The following MTSS1 variants were observed in gnomAD, a reference collection of about 807,000 sequenced individuals.
MTSS1 encodes the protein MTSS I-BAR domain containing 1, also known as protein MTSS 1.
Under a neutral mutation model 79.0 loss-of-function variants are expected in MTSS1, and 18 were observed. The ratio of observed to expected loss-of-function variants is 0.23; its 90% CI spans 0.16 to 0.34. MTSS1 has a LOEUF of 0.34. Ranked by LOEUF, MTSS1 falls within the 10% of genes least tolerant of loss-of-function variation. The pLI is 1.00. For missense variants in MTSS1, 815 were observed against 986.2 expected (o/e 0.83, Z 2.33); for synonymous variants, 341 against 368.6 (o/e 0.93, Z 0.86).
At chr8:124,676,171 T>TAATAAAATCAAA (rs1825254635) in intron 3 of MTSS1, among the ~76,000 whole-genome samples, 1 of 152,208 alleles carries the variant, frequency 6.6e-6, no homozygotes, top group African/African-American at 2.4e-5. Context: ...AAGGTATTGA[T>TAATAAAATCAAA]TAATAATTTG....
At chr8:124,723,414 T>C (rs1833232295) in intron 1 of MTSS1, among the ~76,000 whole-genome samples, 1 of 152,140 alleles carries the variant, frequency 6.6e-6, no homozygotes, top group African/African-American at 2.4e-5. Context: ...ATTTGGAGCA[T>C]TACAAACTGC....
In MTSS1 at chr8:124,597,443, G is replaced by C. The variant is rs1418572001; in HGVS notation, c.209-6208C>G. Among the ~76,000 whole-genome samples, 1 of 152,194 alleles carries C rather than the reference G, an allele frequency of 6.6e-6. No individual in the cohort carries two copies. The highest frequency in any genetic ancestry group is 2.4e-5 in the African/African-American group (1 of 41,460). On this transcript the variant is annotated intron_variant, in intron 3 of 13. Transcript: ENST00000518547. This position sits in a 1 kb window ranked among gnomAD's most constrained non-coding sequence, Gnocchi z 4.6. ...AAATTGTTTAATGCATATTTGGGGG[G>C]GTAGGGAGGAAATAAGAAAAGCAAA...
chr8:124,554,966 C>G (rs555309008), intron 13 of MTSS1, among the ~76,000 whole-genome samples: 1 of 152,290 alleles, frequency 6.6e-6, no homozygotes, highest in African/African-American at 2.4e-5. Context: ...ACCTCAGCCT[C>G]CAGAGTAGCT....
chr8:124,656,796 A>G (rs959638006), intron 3 of MTSS1, among the ~76,000 whole-genome samples: 7 of 150,982 alleles, frequency 4.6e-5, no homozygotes, highest in Non-Finnish European at 7.4e-5. Context: ...AAAAAAAAAA[A>G]AAAGAAAAAA....
intron 3 of MTSS1, among the ~76,000 whole-genome samples, chr8:124,693,699 C>A (rs1828328052): frequency 6.6e-6 from 1 of 152,210 alleles, no homozygotes; most frequent in Non-Finnish European, 1.5e-5. Context: ...GGGACCTCAA[C>A]CCAAATGCCC....
chr8:124,585,052 G>A, intron 6 of MTSS1, 35 bp downstream of exon 6: 1 of 1,565,508 alleles, frequency 6.4e-7, no homozygotes, highest in Admixed American at 1.7e-5. Flanking sequence ...TACTCCATCA[G>A]GAAGTAACAT....
intron 1 of MTSS1, among the ~76,000 whole-genome samples, chr8:124,715,294 C>T (rs994252425): frequency 3.1e-4 from 47 of 152,346 alleles, no homozygotes; most frequent in African/African-American, 9.9e-4. Flanking sequence ...ACACACATAC[C>T]TCTGTATTCA....
intron 3 of MTSS1, among the ~76,000 whole-genome samples, chr8:124,666,763 G>A (rs1222672919): frequency 1.3e-5 from 2 of 152,142 alleles, no homozygotes; most frequent in African/African-American, 4.8e-5. Flanking sequence ...CCAGCTGGCC[G>A]AGGGTTAGCA....
rs1236132816 is a variant in MTSS1 at position 124,597,640 on chromosome 8, T to TG, written c.209-6406dup. Reference sequence around the variant, plus strand: ...GCAGGGGACTAATGGCAGGCATTCTTGGGGGCTACAGTGTGGGCAGGTGGC... The same window carrying TG: ...GCAGGGGACTAATGGCAGGCATTCTTGGGGGGCTACAGTGTGGGCAGGTGGC... On this transcript the variant is annotated intron_variant, in intron 3 of 13. Transcript: ENST00000518547. The surrounding 1 kb of genome is among the most constrained non-coding windows in gnomAD (Gnocchi z 4.6). Among the ~76,000 whole-genome samples the TG allele has an allele frequency of 6.6e-6, 1 of 152,104 alleles. No individual in the cohort carries two copies. The highest frequency in any genetic ancestry group is 1.5e-5 in the Non-Finnish European group (1 of 68,006).
At chr8:124,666,809 C>A (rs1157039679) in intron 3 of MTSS1, among the ~76,000 whole-genome samples, 1 of 152,024 alleles carries the variant, frequency 6.6e-6, no homozygotes, top group African/African-American at 2.4e-5. Context: ...ATCATGTGAC[C>A]ATTAATGGGG....
At chr8:124,662,169 T>C (rs1822172543) in intron 3 of MTSS1, among the ~76,000 whole-genome samples, 1 of 152,064 alleles carries the variant, frequency 6.6e-6, no homozygotes, top group Non-Finnish European at 1.5e-5. Context: ...TGTTCAATTT[T>C]TGGGAAAGAG....
Position 124,656,363 on chromosome 8 carries a change from C to T in MTSS1, c.208+43163G>A, listed in dbSNP as rs546809290. ...TAAGAGAGCTAAATGAGCCTAAATC[C>T]ATTCATAGGAGGAAAACAAGCACAC... On this transcript the variant is annotated intron_variant, in intron 3 of 13. Transcript: ENST00000518547. 7.2e-5 allele frequency among the ~76,000 whole-genome samples: 11 copies of T among 152,110 alleles called. No individual in the cohort carries two copies. The South Asian group carries it at 2.1e-3, about 29-fold the overall frequency.
At chr8:124,585,295 A>G in intron 5 of MTSS1, 134 bp from the exon 6 acceptor site, 3 of 676,630 alleles carry the variant, frequency 4.4e-6, no homozygotes, top group Admixed American at 2.6e-5. Flanking sequence ...TCAGAATACA[A>G]TATGATAATC....
intron 3 of MTSS1, among the ~76,000 whole-genome samples, chr8:124,604,248 A>C (rs1466464497): frequency 6.6e-6 from 1 of 152,066 alleles, no homozygotes; most frequent in Non-Finnish European, 1.5e-5. Flanking sequence ...AAAAGCAAAA[A>C]AAAACCGTTT....
chr8:124,558,801 G>A (rs1248532676), intron 10 of MTSS1: 15 of 1,571,606 alleles, frequency 9.5e-6, no homozygotes, highest in Non-Finnish European at 1.3e-5. Flanking sequence ...GCAGGTTTCC[G>A]AGGCTTCGGA....
chr8:124,626,439 C>T (rs1814683397), intron 3 of MTSS1, among the ~76,000 whole-genome samples: 1 of 152,076 alleles, frequency 6.6e-6, no homozygotes. Context: ...GAGTTCAAGA[C>T]CAGCCTGGGT....
chr8:124,553,745 A>T lies in MTSS1; in HGVS notation c.1568-53T>A. The T allele has an allele frequency of 6.6e-7, 1 of 1,509,644 alleles. No individual in the cohort carries two copies. 93.5% of individuals were successfully genotyped at this position (1,509,644 alleles called of 1,614,324 possible). A position where few individuals can be genotyped will look rare whatever the true frequency, so the allele number is the denominator to read the frequency against. On this transcript the variant is annotated intron_variant, in intron 13 of 13. Transcript: ENST00000518547. The surrounding 1 kb of genome is among the most constrained non-coding windows in gnomAD (Gnocchi z 6.0). ...TCAAGACAGCAGCTGTGCTTTTTTG[A>T]TTCTTCTGGGCTGGGAGGACAAAAG...
intron 3 of MTSS1, among the ~76,000 whole-genome samples, chr8:124,619,082 CA>C (rs1161876662): frequency 6.6e-6 from 1 of 152,186 alleles, no homozygotes; most frequent in Non-Finnish European, 1.5e-5. Flanking sequence ...TTAAAGTTAA[CA>C]GACAAAAAGG....
intron 3 of MTSS1, among the ~76,000 whole-genome samples, chr8:124,660,395 T>C (rs1253325321): frequency 6.6e-6 from 1 of 151,128 alleles, no homozygotes; most frequent in African/African-American, 2.4e-5. Context: ...ATAATTAGAA[T>C]GTATATTTTG....
Sources: allele counts gnomAD v4.1 joint callset (sites outside exome capture counted in the v4.1 genomes callset), GRCh38; gene constraint gnomAD v4.1.1; non-coding constraint Gnocchi (gnomAD v3.1); transcripts MANE v1.5; gene names NCBI Gene and HGNC (gene_info 2026-07-23, HGNC 2026-07-21).